LOXL3: variants seen among roughly 807,000 people sequenced by gnomAD.
The protein encoded by LOXL3 is lysyl oxidase like 3, also known as lysyl oxidase homolog 3.
Under a neutral mutation model 91.8 loss-of-function variants are expected in LOXL3, and 60 were observed. The observed-to-expected ratio is 0.65, with a 90% CI of 0.53 to 0.81. LOXL3 has a LOEUF of 0.81. LOXL3 is among the 30% of genes least tolerant of loss of function. The probability of loss-of-function intolerance (pLI) is 0.00; values close to 1 mark genes in which losing one functional copy is unlikely to be tolerated. For synonymous variants in LOXL3, 355 were observed against 387.6 expected (o/e 0.92, Z 0.99); for missense variants, 874 against 1,000.4 (o/e 0.87, Z 1.70).
chr2:74,550,489 C>T (rs934245817), intron 2 of LOXL3, 141 bp from the exon 3 acceptor site: 84 of 887,976 alleles, frequency 9.5e-5, no homozygotes, highest in Middle Eastern at 2.7e-4. Flanking sequence ...GGGGTGGAGA[C>T]GGGACAGGGG....
chr2:74,533,694 G>A lies in LOXL3; in HGVS notation c.2189-15C>T. On this transcript the variant is annotated splice_polypyrimidine_tract_variant and intron_variant, in intron 13 of 13. Coordinates refer to ENST00000264094, the MANE Select transcript of LOXL3 (RefSeq NM_032603.5). The stretch of plus-strand genomic sequence containing the variant: ...GAAGGCATCACCTGCAGAGTGGACA[G>A]GCAATTTGGGAGGCGCCCTGCACAG... 1.9e-6 allele frequency: 3 copies of A among 1,613,528 alleles called. No individual in the cohort carries two copies. The highest frequency in any genetic ancestry group is 2.5e-6 in the Non-Finnish European group (3 of 1,179,498).
At chr2:74,534,503 C>T (rs1189287473) in intron 10 of LOXL3, 28 bp downstream of exon 10, 1 of 1,613,666 alleles carries the variant, frequency 6.2e-7, no homozygotes, top group Admixed American at 1.7e-5. Context: ...GTGGTCTTGC[C>T]CTTCTACTTG....
At position 74,549,641 on chromosome 2, in the gene LOXL3, C is replaced by A; in HGVS notation, c.478-58G>T. On this transcript the variant is annotated intron_variant, in intron 3 of 13. Transcript: ENST00000264094. This position sits in a 1 kb window ranked among gnomAD's most constrained non-coding sequence, Gnocchi z 5.3. ...CCAGTGGCACCTTTCATGTGTCCCGCCGCCCTTAAGGAACCCTGCTTGGTG... is the reference window on the plus strand; with the variant it reads ...CCAGTGGCACCTTTCATGTGTCCCGACGCCCTTAAGGAACCCTGCTTGGTG... 6.5e-7 allele frequency: 1 copy of A among 1,539,290 alleles called. No homozygotes were observed. Among genetic ancestry groups the A allele is most frequent in the South Asian group, 1.2e-5 (1 of 81,814 alleles).
chr2:74,554,792 A>G (rs772278891), upstream of LOXL3: 2 of 1,613,740 alleles, frequency 1.2e-6, no homozygotes, highest in Admixed American at 3.3e-5. This position sits in a 1 kb window ranked among gnomAD's most constrained non-coding sequence, Gnocchi z 4.9. Context: ...CTTTTTTTGC[A>G]GAGTCAGCGC....
chr2:74,532,544 T>A lies in LOXL3; in HGVS notation c.*1062A>T. 2 of 1,110,182 alleles carry A rather than the reference T, an allele frequency of 1.8e-6. No homozygotes were observed. The highest frequency in any genetic ancestry group is 4.8e-5 in the East Asian group (2 of 41,564). 68.8% of individuals were successfully genotyped at this position (1,110,182 alleles called of 1,614,324 possible). A position where few individuals can be genotyped will look rare whatever the true frequency, so the allele number is the denominator to read the frequency against. ...GTCCATATATTTATCAATGTGTTGATGAGAGACTTGAGGTGGAACTCAGGA... is the reference window on the plus strand; with the variant it reads ...GTCCATATATTTATCAATGTGTTGAAGAGAGACTTGAGGTGGAACTCAGGA... On this transcript the variant is annotated 3_prime_UTR_variant, in exon 14 of 14. Transcript: ENST00000264094.
In LOXL3 at chr2:74,535,169, A is replaced by T. The variant is rs1360952306; in HGVS notation, c.1579+123T>A. ...TGGGATTACAGGCGTGAGCCACTGC[A>T]CCCGGCGAAACTGGCTCTTTTATGG... is the stretch of plus-strand genomic sequence containing the variant. On this transcript the variant is annotated intron_variant, in intron 9 of 13. Transcript: ENST00000264094. This position sits in a 1 kb window ranked among gnomAD's most constrained non-coding sequence, Gnocchi z 4.2. 1.3e-5 allele frequency: 15 copies of T among 1,118,402 alleles called. No homozygotes were observed. The highest frequency in any genetic ancestry group is 2.5e-6 in the Non-Finnish European group (2 of 799,372). 69.3% of individuals were successfully genotyped at this position (1,118,402 alleles called of 1,614,324 possible). A position where few individuals can be genotyped will look rare whatever the true frequency, so the allele number is the denominator to read the frequency against.
chr2:74,554,776 G>A (rs1299363793), upstream of LOXL3: 1 of 1,614,082 alleles, frequency 6.2e-7, no homozygotes, highest in Non-Finnish European at 8.5e-7. This position sits in a 1 kb window ranked among gnomAD's most constrained non-coding sequence, Gnocchi z 4.9. Context: ...AGTGATGGAA[G>A]GGCCGCTTTT....
intron 13 of LOXL3, 84 bp from the exon 14 acceptor site, chr2:74,533,763 GGAGGGACT>G: frequency 6.8e-7 from 1 of 1,465,966 alleles, no homozygotes; most frequent in Non-Finnish European, 9.5e-7. Context: ...GGGTAGAAGT[GGAGGGACT>G]GAGAGCTCTA....
intron 4 of LOXL3, among the ~76,000 whole-genome samples, chr2:74,547,045 G>A (rs1484851767): frequency 6.6e-6 from 1 of 151,940 alleles, no homozygotes; most frequent in Non-Finnish European, 1.5e-5. Flanking sequence ...ACAGGGTCTT[G>A]CTCTGCCACC....
chr2:74,533,686 A>G lies in LOXL3; in HGVS notation c.2189-7T>C, dbSNP rs1346624603. On this transcript the variant is annotated splice_polypyrimidine_tract_variant and splice_region_variant and intron_variant, in intron 13 of 13. Coordinates refer to ENST00000264094, the MANE Select transcript of LOXL3 (RefSeq NM_032603.5). ...TCTTCACTGAAGGCATCACCTGCAG[A>G]GTGGACAGGCAATTTGGGAGGCGCC... is the stretch of plus-strand genomic sequence containing the variant. The G allele has an allele frequency of 1.2e-6, 2 of 1,613,868 alleles. No individual in the cohort carries two copies. The highest frequency in any genetic ancestry group is 2.2e-5 in the South Asian group (2 of 91,076).
Position 74,549,657 on chromosome 2 carries a change from C to T in LOXL3, c.478-74G>A. 1 of 1,503,050 alleles carries T rather than the reference C, an allele frequency of 6.7e-7. No homozygotes were observed. Among genetic ancestry groups the T allele is most frequent in the Non-Finnish European group, 8.9e-7 (1 of 1,118,460 alleles). 93.1% of individuals were successfully genotyped at this position (1,503,050 alleles called of 1,614,324 possible). A position where few individuals can be genotyped will look rare whatever the true frequency, so the allele number is the denominator to read the frequency against. ...TGTGTCCCGCCGCCCTTAAGGAACC[C>T]TGCTTGGTGTGCCTGCTGTAAACCC... On this transcript the variant is annotated intron_variant, in intron 3 of 13. Coordinates refer to ENST00000264094, the MANE Select transcript of LOXL3 (RefSeq NM_032603.5). The surrounding 1 kb of genome is among the most constrained non-coding windows in gnomAD (Gnocchi z 5.3).
Position 74,536,863 on chromosome 2 carries a change from G to A in LOXL3, c.758C>T (p.Ala253Val), listed in dbSNP as rs1375675422. ...CTCCAGGGAACAGAGGGAGAGGTGG[G>A]CCTCCGTGCCCACGCACGCCACCCC... ...LHGVACVGTE[A>V]HLSLCSLEFY... The change falls in exon 5 of 14, where the codon GCC becomes GTC. Residue 253 changes from alanine (A) to valine (V), a missense_variant. Physicochemically the swap from Ala to Val is moderately conservative, Grantham distance 64. Coordinates refer to ENST00000264094, the MANE Select transcript of LOXL3 (RefSeq NM_032603.5). The surrounding 1 kb of genome is among the most constrained non-coding windows in gnomAD (Gnocchi z 4.5). 1.9e-6 allele frequency: 3 copies of A among 1,614,158 alleles called. No individual in the cohort carries two copies. The highest frequency in any genetic ancestry group is 2.5e-6 in the Non-Finnish European group (3 of 1,180,040).
rs373794846 is a variant in LOXL3, at chr2:74,552,650, G to A, written c.-12-4C>T. Reference sequence around the variant, plus strand: ...CAGGTCGCATGGCAGGGAAGGCCTGGGTGCCCCAGAGACAAAGTGTGCGTG... The same window carrying A: ...CAGGTCGCATGGCAGGGAAGGCCTGAGTGCCCCAGAGACAAAGTGTGCGTG... On this transcript the variant is annotated splice_polypyrimidine_tract_variant and splice_region_variant and intron_variant, in intron 1 of 13. Coordinates refer to ENST00000264094, the MANE Select transcript of LOXL3 (RefSeq NM_032603.5). The A allele has an allele frequency of 1.3e-4, 192 of 1,523,742 alleles. 1 individual carries two copies. The highest frequency in any genetic ancestry group is 3.6e-5 in the South Asian group (3 of 83,086). 94.4% of individuals were successfully genotyped at this position (1,523,742 alleles called of 1,614,324 possible).
rs766856047 is a variant in LOXL3 at position 74,552,611 on chromosome 2, C to T, written c.24G>A (p.Gln8=). MRPVSVW[Q]WSPWGLLLCL... ...ACAGCAGCAGCCCCCAGGGGCTCCA[C>T]TGCCAGACACTGACAGGTCGCATGG... The change falls in exon 2 of 14, where the codon CAG becomes CAA. Residue 8 remains glutamine (Q), a synonymous_variant. Coordinates refer to ENST00000264094, the MANE Select transcript of LOXL3 (RefSeq NM_032603.5). 6.4e-7 allele frequency: 1 copy of T among 1,574,724 alleles called. No individual in the cohort carries two copies. The highest frequency in any genetic ancestry group is 8.7e-7 in the Non-Finnish European group (1 of 1,154,358).
rs370650948 is a variant in LOXL3, at chr2:74,552,578, C to T, written c.57G>A (p.Leu19=). The change falls in exon 2 of 14, where the codon CTG becomes CTA. Residue 19 remains leucine, a synonymous_variant. Transcript: ENST00000264094. ...ACGGAGACCCCAAGCACGAACTGCA[C>T]AGCAGGCACAGCAGCAGCCCCCAGG... The part of the protein sequence containing the change: ...WSPWGLLLCL[L]CSSCLGSPSP... 6.4e-5 allele frequency: 103 copies of T among 1,601,968 alleles called. No homozygotes were observed. Among genetic ancestry groups the T allele is most frequent in the Non-Finnish European group, 6.3e-5 (74 of 1,172,260 alleles).
At position 74,537,322 on chromosome 2, in the gene LOXL3, G is replaced by A. The variant is rs1676088600; in HGVS notation, c.693-394C>T. Among the ~76,000 whole-genome samples the A allele has an allele frequency of 2.6e-5, 4 of 152,240 alleles. No individual in the cohort carries two copies. In the South Asian group the frequency reaches 8.3e-4, roughly 31 times the overall value. ...AAGAAATGGCCAGGAGGGAGTGGCT[G>A]ACACAGGAAGCCTGAAAAGCCAGGG... On this transcript the variant is annotated intron_variant, in intron 4 of 13. Transcript: ENST00000264094.
At chr2:74,547,239 G>A (rs1442829348) in intron 4 of LOXL3, among the ~76,000 whole-genome samples, 3 of 152,218 alleles carry the variant, frequency 2.0e-5, no homozygotes, top group South Asian at 4.1e-4. Flanking sequence ...GGCTGGTCTC[G>A]AATTCTTGGG....
upstream of LOXL3, chr2:74,554,636 CCCAGCGGCTG>C (rs1448545933): frequency 2.1e-6 from 2 of 963,002 alleles, no homozygotes; most frequent in African/African-American, 3.3e-5. The surrounding 1 kb of genome is among the most constrained non-coding windows in gnomAD (Gnocchi z 4.9). Context: ...CCGCGACCCC[CCCAGCGGCTG>C]CCGGCGGGGG....
rs555373328 is a variant in LOXL3, at chr2:74,547,523, G to A, written c.692+1846C>T. 3.0e-4 allele frequency among the ~76,000 whole-genome samples: 46 copies of A among 152,284 alleles called. 1 individual carries two copies. In the South Asian group the frequency reaches 8.1e-3, roughly 27 times the overall value. ...GGATGAAAGTAAAGAGGCACAGCAC[G>A]TTTGTTTTAAAGTGGTTTGAGTGTC... On this transcript the variant is annotated intron_variant, in intron 4 of 13. Coordinates refer to ENST00000264094, the MANE Select transcript of LOXL3 (RefSeq NM_032603.5).
Sources: allele counts gnomAD v4.1 joint callset (sites outside exome capture counted in the v4.1 genomes callset), GRCh38; gene constraint gnomAD v4.1.1; non-coding constraint Gnocchi (gnomAD v3.1); transcripts MANE v1.5; gene names NCBI Gene and HGNC (gene_info 2026-07-23, HGNC 2026-07-21).